Variants in NRG3 observed in about 807,000 individuals in gnomAD.
The protein encoded by NRG3 is neuregulin 3, also known as pro-neuregulin-3, membrane-bound isoform.
Under a neutral mutation model 66.9 loss-of-function variants are expected in NRG3, and 31 were observed. That is an observed-to-expected ratio of 0.46 (90% CI 0.35 to 0.63). NRG3 has a LOEUF of 0.63. Among genes scored for constraint, NRG3 ranks in the 20% least tolerant of loss-of-function variants. NRG3 has a pLI of 0.00. For missense variants in NRG3, 910 were observed against 878.9 expected, an observed-to-expected ratio of 1.04 and a Z score of -0.45; for synonymous variants, 393 against 359.4, an observed-to-expected ratio of 1.09 and a Z score of -1.06.
At chr10:82,723,847 G>GCA (rs1354318328) in intron 2 of NRG3, among the ~76,000 whole-genome samples, 3 of 151,970 alleles carry the variant, frequency 2.0e-5, no homozygotes, top group Non-Finnish European at 4.4e-5. Context: ...AGGCATGGTG[G>GCA]CACACACCTG....
At chr10:81,977,906 T>A (rs1308486552) in intron 1 of NRG3, among the ~76,000 whole-genome samples, 1 of 152,198 alleles carries the variant, frequency 6.6e-6, no homozygotes, top group African/African-American at 2.4e-5. Context: ...TTTTTATTTA[T>A]ACCTAATAAT....
intron 1 of NRG3, 55 bp downstream of exon 1, chr10:81,876,218 T>C (rs1297185251): frequency 3.3e-6 from 5 of 1,509,952 alleles, no homozygotes; most frequent in African/African-American, 1.4e-5. Context: ...CCTTCTGCCC[T>C]CCTGCTGTCT....
chr10:82,777,877 G>A (rs2059966687), intron 3 of NRG3, among the ~76,000 whole-genome samples: 1 of 152,204 alleles, frequency 6.6e-6, no homozygotes, highest in Non-Finnish European at 1.5e-5. Context: ...GGACTCCGGG[G>A]AGTAGGGGGC....
Position 82,025,814 on chromosome 10 carries a change from T to C in NRG3, c.823+149651T>C, listed in dbSNP as rs573163751. The stretch of plus-strand genomic sequence containing the variant: ...TTGTTTTGGGTTTATATCGTCTATT[T>C]ACTTACTTATTTTGGATAGTTTTTT... On this transcript the variant is annotated intron_variant, in intron 1 of 8. Coordinates refer to ENST00000372141, the MANE Select transcript of NRG3 (RefSeq NM_001010848.4). Among the ~76,000 whole-genome samples the C allele has an allele frequency of 2.7e-3, 405 of 152,258 alleles. 2 individuals carry two copies. The highest frequency in any genetic ancestry group is 9.3e-3 in the African/African-American group (385 of 41,578).
intron 2 of NRG3, among the ~76,000 whole-genome samples, chr10:82,629,970 G>T (rs911948719): frequency 6.6e-6 from 1 of 152,106 alleles, no homozygotes; most frequent in Non-Finnish European, 1.5e-5. Context: ...ATGTGATTTT[G>T]TATCATTCTG....
At chr10:82,197,175 T>C (rs2074494721) in intron 1 of NRG3, among the ~76,000 whole-genome samples, 1 of 152,162 alleles carries the variant, frequency 6.6e-6, no homozygotes, top group Non-Finnish European at 1.5e-5. Flanking sequence ...AGGCAGAAAC[T>C]TCATTGATTC....
intron 2 of NRG3, among the ~76,000 whole-genome samples, chr10:82,375,613 G>A (rs116360128): frequency 0.036 from 5,427 of 151,974 alleles, 153 homozygotes; most frequent in African/African-American, 0.081. Context: ...ACGCCAAAAC[G>A]CTAAGTGAAT....
rs1225925117 is a variant in NRG3, at chr10:82,932,046, C to CA, written c.1055-19422dup. ...TTTACAGTCTTAGCTCCCACCTGCC[C>CA]ATGGGAAGGACCACAGGGATCTTGT... On this transcript the variant is annotated intron_variant, in intron 4 of 8. Coordinates refer to ENST00000372141, the MANE Select transcript of NRG3 (RefSeq NM_001010848.4). 8.5e-5 allele frequency among the ~76,000 whole-genome samples: 13 copies of CA among 152,306 alleles called. No homozygotes were observed. The East Asian group carries it at 2.5e-3, about 29-fold the overall frequency.
intron 2 of NRG3, among the ~76,000 whole-genome samples, chr10:82,662,229 A>C (rs938153615): frequency 6.9e-6 from 1 of 144,802 alleles, no homozygotes; most frequent in South Asian, 2.3e-4. Context: ...ATACAAAGCA[A>C]CTCACGAAGT....
chr10:82,587,920 A>G (rs772075285), intron 2 of NRG3, among the ~76,000 whole-genome samples: 12 of 152,334 alleles, frequency 7.9e-5, no homozygotes, highest in Middle Eastern at 6.8e-3. Flanking sequence ...TGAGGAAAGT[A>G]GTTTTTTTGT....
intron 2 of NRG3, among the ~76,000 whole-genome samples, chr10:82,378,104 TTGTTTTTTCTTACTTGTTCA>T (rs2085371972): frequency 1.3e-5 from 2 of 152,206 alleles, no homozygotes; most frequent in African/African-American, 2.4e-5. Flanking sequence ...ATTGTTTCGT[TTGTTTTTTCTTACTTGTTCA>T]GGGAGATCTG....
chr10:82,691,591 T>A (rs1275951795), intron 2 of NRG3, among the ~76,000 whole-genome samples: 2 of 152,166 alleles, frequency 1.3e-5, no homozygotes, highest in African/African-American at 4.8e-5. Context: ...CAGAACAGGA[T>A]CTCAGTGTTA....
intron 1 of NRG3, among the ~76,000 whole-genome samples, chr10:82,037,976 GGAGA>G (rs35225848): frequency 2.7e-5 from 4 of 149,724 alleles, no homozygotes; most frequent in Admixed American, 1.3e-4. Context: ...TGGGGAGGGG[GGAGA>G]GAGAGAGAGA....
chr10:82,860,606 C>T (rs569984176), intron 3 of NRG3, among the ~76,000 whole-genome samples: 12 of 152,236 alleles, frequency 7.9e-5, no homozygotes, highest in African/African-American at 2.9e-4. Context: ...ATATTTAAAG[C>T]AGTTCCTGGT....
chr10:82,100,542 A>T (rs1278606592), intron 1 of NRG3, among the ~76,000 whole-genome samples: 1 of 152,098 alleles, frequency 6.6e-6, no homozygotes, highest in Non-Finnish European at 1.5e-5. Context: ...TGTGAGTTGC[A>T]TGATCAGGTT....
At chr10:82,224,745 A>T (rs1439044846) in intron 1 of NRG3, among the ~76,000 whole-genome samples, 1 of 152,186 alleles carries the variant, frequency 6.6e-6, no homozygotes, top group Non-Finnish European at 1.5e-5. Context: ...GTTCAAATCT[A>T]TATAATTATC....
chr10:82,324,265 G>A (rs573561258), intron 1 of NRG3, among the ~76,000 whole-genome samples: 1 of 152,186 alleles, frequency 6.6e-6, no homozygotes, highest in East Asian at 1.9e-4. Context: ...CTGTAGTGCT[G>A]TCATTTCTCT....
chr10:82,870,506 C>A (rs551318630), intron 4 of NRG3, among the ~76,000 whole-genome samples: 2 of 152,126 alleles, frequency 1.3e-5, no homozygotes, highest in Non-Finnish European at 1.5e-5. Flanking sequence ...TTAGAAACTG[C>A]CGAACTGAAT....
chr10:82,785,025 A>T (rs914170107), intron 3 of NRG3, among the ~76,000 whole-genome samples: 1 of 152,212 alleles, frequency 6.6e-6, no homozygotes, highest in Admixed American at 6.5e-5. Context: ...CTATGCAGCC[A>T]TAAAAATGAT....
Sources: gnomAD v4.1 joint callset for allele counts (sites outside exome capture counted in the v4.1 genomes callset) on GRCh38, gnomAD v4.1.1 for gene constraint, MANE v1.5 for transcripts, NCBI Gene and HGNC (gene_info 2026-07-23, HGNC 2026-07-21) for gene names.